Variants in COX7B observed in about 807,000 individuals in gnomAD.
The protein encoded by COX7B is cytochrome c oxidase subunit 7B.
A neutral mutation model predicts 7.9 loss-of-function variants in COX7B; 2 were observed. The observed-to-expected ratio is 0.25, with a 90% CI of 0.10 to 0.79. The LOEUF (loss-of-function observed/expected upper bound fraction) is 0.79, where lower values mean the gene tolerates loss of function less well. COX7B is among the 30% of genes least tolerant of loss of function. The probability of loss-of-function intolerance (pLI) is 0.69; values close to 1 mark genes in which losing one functional copy is unlikely to be tolerated. For missense variants in COX7B, 54 were observed against 62.7 expected (o/e 0.86, Z 0.47); for synonymous variants, 19 against 21.1 (o/e 0.90, Z 0.27).
Position 77,906,386 on chromosome X carries a change from T to C in COX7B, c.*1125T>C, listed in dbSNP as rs1557221157. ...CGTAGCCTGTCTGAAGACTAGCTAC[T>C]AGCTCCTTGGCTGTTTTGGCATATT... On this transcript the variant is annotated 3_prime_UTR_variant, in exon 3 of 3. Transcript: ENST00000650309. The C allele has an allele frequency of 8.9e-6, 1 of 111,984 alleles. No individual in the cohort carries two copies. The allele number at this position is 111,984 out of a possible 1,213,427, so 9.2% of individuals were successfully genotyped here.
In COX7B at chrX:77,905,258, G is replaced by A; in HGVS notation, c.240G>A (p.Gln80=). The change falls in exon 3 of 3, where the codon CAG becomes CAA. Residue 80 remains glutamine (Q), a synonymous_variant. Transcript: ENST00000650309. ...TTACCCCAAAGGAATGGAGGAATCAGTAATCATCCCAGCTGGTGTAATAAT... is the reference window on the plus strand; with the variant it reads ...TTACCCCAAAGGAATGGAGGAATCAATAATCATCCCAGCTGGTGTAATAAT... The part of the protein sequence containing the change: ...GRVTPKEWRN[Q] 8.4e-7 allele frequency: 1 copy of A among 1,195,847 alleles called. No homozygotes were observed. The highest frequency in any genetic ancestry group is 1.1e-6 in the Non-Finnish European group (1 of 882,329).
chrX:77,905,266 C>T lies in COX7B; in HGVS notation c.*5C>T, dbSNP rs781818697. 180 of 1,184,300 alleles carry T rather than the reference C, an allele frequency of 1.5e-4. No homozygotes were observed. Among genetic ancestry groups the T allele is most frequent in the Middle Eastern group, 6.3e-4 (2 of 3,155 alleles). ...AAGGAATGGAGGAATCAGTAATCAT[C>T]CCAGCTGGTGTAATAATGAATTGTT... is the stretch of plus-strand genomic sequence containing the variant. On this transcript the variant is annotated 3_prime_UTR_variant, in exon 3 of 3. Transcript: ENST00000650309.
Position 77,906,416 on chromosome X carries a change from T to C in COX7B, c.*1155T>C, listed in dbSNP as rs2077135298. The stretch of plus-strand genomic sequence containing the variant: ...CCTTGGCTGTTTTGGCATATTCATC[T>C]TGATTATAGCTCTTGGTCTTTCATC... On this transcript the variant is annotated 3_prime_UTR_variant, in exon 3 of 3. Transcript: ENST00000650309. 1 of 112,046 alleles carries C rather than the reference T, an allele frequency of 8.9e-6. No individual in the cohort carries two copies. The highest frequency in any genetic ancestry group is 3.7e-4 in the South Asian group (1 of 2,708). 9.2% of individuals were successfully genotyped at this position (112,046 alleles called of 1,213,427 possible).
Position 77,906,384 on chromosome X carries a change from A to G in COX7B, c.*1123A>G, listed in dbSNP as rs1432328058. On this transcript the variant is annotated 3_prime_UTR_variant, in exon 3 of 3. Coordinates refer to ENST00000650309, the MANE Select transcript of COX7B (RefSeq NM_001866.3). ...CTCGTAGCCTGTCTGAAGACTAGCT[A>G]CTAGCTCCTTGGCTGTTTTGGCATA... The G allele has an allele frequency of 3.6e-5, 4 of 111,823 alleles. No individual in the cohort carries two copies. Among genetic ancestry groups the G allele is most frequent in the Admixed American group, 9.5e-5 (1 of 10,500 alleles). The allele number at this position is 111,823 out of a possible 1,213,427, so 9.2% of individuals were successfully genotyped here. A position where few individuals can be genotyped will look rare whatever the true frequency, so the allele number is the denominator to read the frequency against.
At chrX:77,905,089 C>G in intron 2 of COX7B, 95 bp from the exon 3 acceptor site, 3 of 731,037 alleles carry the variant, frequency 4.1e-6, no homozygotes, top group Non-Finnish European at 6.4e-6. Flanking sequence ...TATTTTTAAC[C>G]TATAGAACAG....
At chrX:77,901,305 G>T (rs2077119326) in intron 1 of COX7B, among the ~76,000 whole-genome samples, 1 of 107,699 alleles carries the variant, frequency 9.3e-6, no homozygotes, top group African/African-American at 3.4e-5. Context: ...GAGTGCAGTG[G>T]CTCAATCTTG....
chrX:77,901,294 G>A (rs2077119283), intron 1 of COX7B, among the ~76,000 whole-genome samples: 1 of 105,680 alleles, frequency 9.5e-6, no homozygotes, highest in African/African-American at 3.5e-5. Context: ...TGCCCAGGCT[G>A]GAGTGCAGTG....
intron 1 of COX7B, among the ~76,000 whole-genome samples, 153 bp from the exon 2 acceptor site, chrX:77,902,490 A>G (rs1177289724): frequency 8.9e-6 from 1 of 112,790 alleles, no homozygotes; most frequent in East Asian, 2.8e-4. Flanking sequence ...CACTGCTTTA[A>G]TAGCTACAAT....
In COX7B at chrX:77,905,492, T is replaced by G. The variant is rs1051958504; in HGVS notation, c.*231T>G. On this transcript the variant is annotated 3_prime_UTR_variant, in exon 3 of 3. Transcript: ENST00000650309. ...AGCTTCTTAAATAGGTTTTTTTTTT[T>G]TTTTTTTTTTTTTTTTGGGACGAAG... 2.4e-5 allele frequency: 6 copies of G among 247,417 alleles called. No homozygotes were observed. Among genetic ancestry groups the G allele is most frequent in the Non-Finnish European group, 4.1e-5 (6 of 147,312 alleles). 20.4% of individuals were successfully genotyped at this position (247,417 alleles called of 1,213,427 possible).
rs1557221007 is a variant in COX7B at position 77,905,179 on chromosome X, T to A, written c.166-5T>A. 1 of 1,202,820 alleles carries A rather than the reference T, an allele frequency of 8.3e-7. No homozygotes were observed. The highest frequency in any genetic ancestry group is 2.2e-5 in the Admixed American group (1 of 45,973). ...ACGTAACTGACAGCATTTTAATTCT[T>A]ACAGGTAGCAACACAAGTCGGAATA... On this transcript the variant is annotated splice_polypyrimidine_tract_variant and splice_region_variant and intron_variant, in intron 2 of 2. Coordinates refer to ENST00000650309, the MANE Select transcript of COX7B (RefSeq NM_001866.3).
Position 77,906,090 on chromosome X carries a change from A to G in COX7B, c.*829A>G, listed in dbSNP as rs2077134533. 8.9e-6 allele frequency: 1 copy of G among 112,311 alleles called. No individual in the cohort carries two copies. Among genetic ancestry groups the G allele is most frequent in the East Asian group, 2.8e-4 (1 of 3,602 alleles). 9.3% of individuals were successfully genotyped at this position (112,311 alleles called of 1,213,427 possible). A position where few individuals can be genotyped will look rare whatever the true frequency, so the allele number is the denominator to read the frequency against. ...GTGAGCCACGGCACCCAGCCCTTAA[A>G]TGGCTTTTATGAGGTAATGTGAAAG... On this transcript the variant is annotated 3_prime_UTR_variant, in exon 3 of 3. Coordinates refer to ENST00000650309, the MANE Select transcript of COX7B (RefSeq NM_001866.3).
At chrX:77,902,335 C>T (rs1764600875) in intron 1 of COX7B, among the ~76,000 whole-genome samples, 1 of 111,933 alleles carries the variant, frequency 8.9e-6, no homozygotes, top group African/African-American at 3.2e-5. Context: ...ATTATGAAAA[C>T]TCTCAGACAT....
intron 1 of COX7B, among the ~76,000 whole-genome samples, chrX:77,900,405 A>G (rs2077117473): frequency 8.9e-6 from 1 of 112,292 alleles, no homozygotes; most frequent in Non-Finnish European, 1.9e-5. Context: ...CCTGAAGGCA[A>G]TCGTGGTCAT....
At chrX:77,904,045 G>T (rs1172225178) in intron 2 of COX7B, among the ~76,000 whole-genome samples, 1 of 103,987 alleles carries the variant, frequency 9.6e-6, no homozygotes, top group Non-Finnish European at 2.0e-5. Context: ...CCATCCTCCT[G>T]CCTCAGCCTT....
At position 77,906,391 on chromosome X, in the gene COX7B, C is replaced by T. The variant is rs1557221158; in HGVS notation, c.*1130C>T. 1 of 111,731 alleles carries T rather than the reference C, an allele frequency of 9.0e-6. No individual in the cohort carries two copies. The highest frequency in any genetic ancestry group is 1.9e-5 in the Non-Finnish European group (1 of 53,210). The allele number at this position is 111,731 out of a possible 1,213,427, so 9.2% of individuals were successfully genotyped here. On this transcript the variant is annotated 3_prime_UTR_variant, in exon 3 of 3. Coordinates refer to ENST00000650309, the MANE Select transcript of COX7B (RefSeq NM_001866.3). ...CCTGTCTGAAGACTAGCTACTAGCT[C>T]CTTGGCTGTTTTGGCATATTCATCT...
chrX:77,905,482 T>C lies in COX7B; in HGVS notation c.*221T>C, dbSNP rs1557221059. On this transcript the variant is annotated 3_prime_UTR_variant, in exon 3 of 3. Transcript: ENST00000650309. ...AATGCTGTGCAGCTTCTTAAATAGG[T>C]TTTTTTTTTTTTTTTTTTTTTTTTT... 5.2e-5 allele frequency: 1 copy of C among 19,072 alleles called. No homozygotes were observed. The highest frequency in any genetic ancestry group is 1.1e-4 in the Non-Finnish European group (1 of 9,039). The allele number at this position is 19,072 out of a possible 1,213,427, so 1.6% of individuals were successfully genotyped here.
Position 77,899,613 on chromosome X carries a change from A to C in COX7B, c.40+20A>C, listed in dbSNP as rs782574819. On this transcript the variant is annotated intron_variant, in intron 1 of 2. Coordinates refer to ENST00000650309, the MANE Select transcript of COX7B (RefSeq NM_001866.3). Reference sequence around the variant, plus strand: ...TCCAAGGTGAGCAAAAATTATGACAAATCATTTACAACAACCTTATATCAA... The same window carrying C: ...TCCAAGGTGAGCAAAAATTATGACACATCATTTACAACAACCTTATATCAA... The C allele has an allele frequency of 3.3e-6, 4 of 1,201,365 alleles. No individual in the cohort carries two copies. In the East Asian group the frequency reaches 8.9e-5, roughly 27 times the overall value.
chrX:77,901,248 CT>C (rs782110158), intron 1 of COX7B, among the ~76,000 whole-genome samples: 140 of 98,284 alleles, frequency 1.4e-3, no homozygotes, highest in Admixed American at 1.8e-3. Flanking sequence ...ATTGCAGTTT[CT>C]TTTTTTTTTT....
rs1036203671 is a variant in COX7B at position 77,905,651 on chromosome X, C to T, written c.*390C>T. The stretch of plus-strand genomic sequence containing the variant: ...AACTACAGGCACATGCCATGACGCC[C>T]AGCTAATTTTTTTTTTTTTTGAGAC... On this transcript the variant is annotated 3_prime_UTR_variant, in exon 3 of 3. Transcript: ENST00000650309. The T allele has an allele frequency of 4.4e-5, 5 of 114,700 alleles. No homozygotes were observed. The highest frequency in any genetic ancestry group is 1.7e-4 in the African/African-American group (5 of 29,767). 9.5% of individuals were successfully genotyped at this position (114,700 alleles called of 1,213,427 possible).
Sources: allele counts gnomAD v4.1 joint callset (sites outside exome capture counted in the v4.1 genomes callset), GRCh38; gene constraint gnomAD v4.1.1; transcripts MANE v1.5; gene names NCBI Gene and HGNC (gene_info 2026-07-23, HGNC 2026-07-21).